The following MRRF variants were observed in gnomAD, a reference collection of about 807,000 sequenced individuals.
The protein encoded by MRRF is ribosome-recycling factor, mitochondrial.
MRRF carries 18 observed loss-of-function variants against 25.1 expected under a neutral mutation model. That is an observed-to-expected ratio of 0.72 (90% CI 0.50 to 1.06). The LOEUF is 1.06. MRRF is among the 50% of genes least tolerant of loss of function. MRRF has a pLI of 0.00. For synonymous variants in MRRF, 113 were observed against 112.1 expected (o/e 1.01, Z -0.05); for missense variants, 323 against 319.3 (o/e 1.01, Z -0.09).
intron 2 of MRRF, among the ~76,000 whole-genome samples, chr9:122,273,401 C>G (rs1037889075): frequency 6.8e-6 from 1 of 147,796 alleles, no homozygotes; most frequent in Non-Finnish European, 1.5e-5. Context: ...ATGATGATGC[C>G]ACTGCCACTC....
In MRRF at chr9:122,280,524, A is replaced by C. The variant is rs1833035981; in HGVS notation, c.266A>C (p.Asn89Thr). Residue 89 changes from asparagine to threonine, a missense_variant, in exon 3 of 7, where the codon AAT (asparagine) becomes ACT (threonine). By Grantham distance (65) the Asn-to-Thr change is moderately conservative. Transcript: ENST00000344641. ...GATATAATCAACTTGGAAGAGGTGA[A>C]TGAAGAAATGAAGTCTGTGATAGAA... ...VEDIINLEEV[N>T]EEMKSVIEAL... 3.1e-6 allele frequency: 5 copies of C among 1,613,876 alleles called. No individual in the cohort carries two copies. The highest frequency in any genetic ancestry group is 3.4e-6 in the Non-Finnish European group (4 of 1,179,736).
At chr9:122,266,339 A>T (rs1832083527) in intron 1 of MRRF, among the ~76,000 whole-genome samples, 1 of 152,232 alleles carries the variant, frequency 6.6e-6, no homozygotes. Flanking sequence ...GGGCTGTAGG[A>T]GATGGCCAAG....
At chr9:122,318,660 T>A (rs1008992408) in intron 6 of MRRF, among the ~76,000 whole-genome samples, 1 of 152,326 alleles carries the variant, frequency 6.6e-6, no homozygotes, top group East Asian at 1.9e-4. Flanking sequence ...AATTTGTAAG[T>A]AGCAAATGTG....
At chr9:122,283,247 C>G (rs931656698) in intron 3 of MRRF, among the ~76,000 whole-genome samples, 6 of 152,034 alleles carry the variant, frequency 3.9e-5, no homozygotes, top group Non-Finnish European at 7.4e-5. Flanking sequence ...GTGCCCACCA[C>G]CATGCCCAGC....
intron 6 of MRRF, among the ~76,000 whole-genome samples, chr9:122,314,893 A>G (rs1226137066): frequency 6.6e-6 from 1 of 152,220 alleles, no homozygotes; most frequent in African/African-American, 2.4e-5. Flanking sequence ...AAGCCTCCTC[A>G]TCCACAATAA....
At chr9:122,274,869 CTTTT>C (rs1464932192) in intron 2 of MRRF, among the ~76,000 whole-genome samples, 1 of 151,808 alleles carries the variant, frequency 6.6e-6, no homozygotes, top group Non-Finnish European at 1.5e-5. Context: ...TTTGATCTCT[CTTTT>C]TTGCAATTTT....
At chr9:122,298,052 C>T (rs928485761) in intron 5 of MRRF, among the ~76,000 whole-genome samples, 21 of 152,058 alleles carry the variant, frequency 1.4e-4, no homozygotes, top group Admixed American at 1.1e-3. Flanking sequence ...AAAGTCAGCC[C>T]GAGTTGTTAG....
rs1043039834 is a variant in MRRF at position 122,328,198 on chromosome 9, T to A, written c.*5581T>A. On this transcript the variant is annotated 3_prime_UTR_variant, in exon 7 of 7. Coordinates refer to ENST00000344641, the MANE Select transcript of MRRF (RefSeq NM_138777.5). ...TATGTTGCCCAGGCTGATCTCAAAC[T>A]CCTGAGCTCAGGTGATTCTCCTACC... The A allele has an allele frequency of 8.5e-5, 13 of 152,206 alleles. No homozygotes were observed. The highest frequency in any genetic ancestry group is 3.1e-4 in the African/African-American group (13 of 41,438). 9.4% of individuals were successfully genotyped at this position (152,206 alleles called of 1,614,324 possible).
At chr9:122,291,068 C>T (rs958243626) in intron 4 of MRRF, among the ~76,000 whole-genome samples, 5 of 152,172 alleles carry the variant, frequency 3.3e-5, no homozygotes, top group Non-Finnish European at 1.5e-5. Context: ...ATTTCACTAC[C>T]TCTCTGAGGT....
intron 5 of MRRF, among the ~76,000 whole-genome samples, chr9:122,308,178 T>A (rs1834978495): frequency 6.6e-6 from 1 of 152,110 alleles, no homozygotes; most frequent in Non-Finnish European, 1.5e-5. Flanking sequence ...TCTCTGACCC[T>A]AGCGGAAAAG....
intron 5 of MRRF, among the ~76,000 whole-genome samples, chr9:122,297,483 C>A (rs1834164452): frequency 1.3e-5 from 2 of 151,664 alleles, no homozygotes; most frequent in South Asian, 4.2e-4. Context: ...AAAAAAAAAA[C>A]TTAACAGTGT....
At chr9:122,302,651 A>G (rs1487196425) in intron 5 of MRRF, among the ~76,000 whole-genome samples, 1 of 152,212 alleles carries the variant, frequency 6.6e-6, no homozygotes, top group African/African-American at 2.4e-5. Context: ...TGTTAAATGA[A>G]TACCACTGCT....
chr9:122,320,916 C>A (rs1050156247), intron 6 of MRRF, among the ~76,000 whole-genome samples: 1 of 152,156 alleles, frequency 6.6e-6, no homozygotes, highest in Non-Finnish European at 1.5e-5. Context: ...AGTCTCTTTT[C>A]GACATAGGAA....
chr9:122,322,522 C>G lies in MRRF; in HGVS notation c.712-18C>G. 6.2e-7 allele frequency: 1 copy of G among 1,613,106 alleles called. No individual in the cohort carries two copies. On this transcript the variant is annotated intron_variant, in intron 6 of 6. Transcript: ENST00000344641. ...TCCAGCCCCATTAATCAGGCTGTCT[C>G]ATTTTGTGTTCTTGCAGATCAGCCA...
chr9:122,265,111 G>C (rs1197268982), intron 1 of MRRF, among the ~76,000 whole-genome samples, 173 bp downstream of exon 1: 2 of 151,886 alleles, frequency 1.3e-5, no homozygotes, highest in Admixed American at 1.3e-4. Context: ...CGAGTCTCAT[G>C]GGGTGGGGGC....
At chr9:122,310,341 T>C (rs891853542) in intron 5 of MRRF, among the ~76,000 whole-genome samples, 1 of 152,198 alleles carries the variant, frequency 6.6e-6, no homozygotes, top group African/African-American at 2.4e-5. Context: ...TCAGTTTTCT[T>C]TGGAGCCAGG....
intron 6 of MRRF, among the ~76,000 whole-genome samples, chr9:122,317,067 A>AATATATATATATATAT (rs71847269): frequency 8.5e-4 from 124 of 145,446 alleles, no homozygotes; most frequent in Admixed American, 3.5e-3. Flanking sequence ...GGTTGCAGTG[A>AATATATATATATATAT]ATATATATAT....
intron 6 of MRRF, among the ~76,000 whole-genome samples, chr9:122,320,321 A>G (rs949901745): frequency 6.6e-6 from 1 of 152,184 alleles, no homozygotes; most frequent in African/African-American, 2.4e-5. Context: ...TGACCTACAC[A>G]TTTTTAACCC....
intron 5 of MRRF, 109 bp downstream of exon 5, chr9:122,291,949 T>C (rs1833801343): frequency 1.2e-6 from 1 of 807,140 alleles, no homozygotes; most frequent in Non-Finnish European, 2.2e-6. Flanking sequence ...ACCTTACCTG[T>C]ACCTTTCACC....
Sources: gnomAD v4.1 joint callset for allele counts (sites outside exome capture counted in the v4.1 genomes callset) on GRCh38, gnomAD v4.1.1 for gene constraint, MANE v1.5 for transcripts, NCBI Gene and HGNC (gene_info 2026-07-23, HGNC 2026-07-21) for gene names.